SKAP2: variants seen among roughly 807,000 people sequenced by gnomAD.
SKAP2 encodes src kinase associated phosphoprotein 2.
A neutral mutation model predicts 54.9 loss-of-function variants in SKAP2; 28 were observed. That is an observed-to-expected ratio of 0.51 (90% CI 0.38 to 0.70). The LOEUF (loss-of-function observed/expected upper bound fraction) is 0.70. SKAP2 is among the 30% of genes least tolerant of loss of function. The pLI is 0.00. For missense variants in SKAP2, 356 were observed against 424.1 expected (o/e 0.84, Z 1.41); for synonymous variants, 137 against 134.3 (o/e 1.02, Z -0.14).
intron 9 of SKAP2, among the ~76,000 whole-genome samples, chr7:26,703,771 T>C (rs949831703): frequency 4.6e-5 from 7 of 152,222 alleles, no homozygotes; most frequent in African/African-American, 1.4e-4. Flanking sequence ...AGGTACTATA[T>C]ACATAAATCT....
chr7:26,765,667 G>A (rs182584881), intron 4 of SKAP2, among the ~76,000 whole-genome samples: 8 of 152,098 alleles, frequency 5.3e-5, no homozygotes, highest in East Asian at 3.9e-4. Context: ...GAAGGGGTCC[G>A]GTTTCAGTTT....
intron 4 of SKAP2, among the ~76,000 whole-genome samples, chr7:26,793,728 T>G (rs1284795988): frequency 6.6e-6 from 1 of 152,180 alleles, no homozygotes; most frequent in Non-Finnish European, 1.5e-5. Context: ...AAATAATCTC[T>G]GAAACCACTT....
chr7:26,835,114 A>C (rs1017088312), intron 4 of SKAP2, among the ~76,000 whole-genome samples: 2 of 152,214 alleles, frequency 1.3e-5, no homozygotes, highest in Non-Finnish European at 2.9e-5. Context: ...ATCTCAAAAG[A>C]TGCAGAAAAG....
chr7:26,847,502 A>C (rs1033859597), intron 3 of SKAP2, among the ~76,000 whole-genome samples: 1 of 149,172 alleles, frequency 6.7e-6, no homozygotes, highest in African/African-American at 2.4e-5. Context: ...CGATAAATTA[A>C]AAAAAAAAAA....
At chr7:26,678,439 G>GTT (rs1786405223) in intron 11 of SKAP2, among the ~76,000 whole-genome samples, 1 of 143,968 alleles carries the variant, frequency 6.9e-6, no homozygotes, top group African/African-American at 2.7e-5. Flanking sequence ...TTAACTGGTT[G>GTT]TTCTTTTTTT....
chr7:26,784,610 T>C (rs969699122), intron 4 of SKAP2, among the ~76,000 whole-genome samples: 2 of 152,196 alleles, frequency 1.3e-5, no homozygotes, highest in Admixed American at 6.5e-5. Context: ...TAAACAAAAC[T>C]GGATATAAAT....
chr7:26,734,803 TAAAGC>T (rs1472974512), intron 6 of SKAP2, among the ~76,000 whole-genome samples: 1 of 152,122 alleles, frequency 6.6e-6, no homozygotes, highest in African/African-American at 2.4e-5. Context: ...TTCTTGAGGG[TAAAGC>T]CCTCATGCCT....
intron 9 of SKAP2, among the ~76,000 whole-genome samples, chr7:26,691,238 A>G (rs551119364): frequency 6.6e-6 from 1 of 152,308 alleles, no homozygotes; most frequent in East Asian, 1.9e-4. Flanking sequence ...TATGCAAAGA[A>G]ATAAGATAAA....
intron 4 of SKAP2, among the ~76,000 whole-genome samples, chr7:26,796,601 G>A (rs754601199): frequency 1.3e-5 from 2 of 152,212 alleles, no homozygotes; most frequent in African/African-American, 4.8e-5. Context: ...TGCAGCTGTG[G>A]CTGCCTGCCA....
chr7:26,840,140 C>A (rs1784791337), intron 4 of SKAP2, among the ~76,000 whole-genome samples: 1 of 151,946 alleles, frequency 6.6e-6, no homozygotes, highest in Admixed American at 6.6e-5. Flanking sequence ...CTAGGTTATT[C>A]AGAAATTTTT....
chr7:26,750,703 T>C (rs1226902879), intron 4 of SKAP2, among the ~76,000 whole-genome samples: 2 of 152,194 alleles, frequency 1.3e-5, no homozygotes, highest in Non-Finnish European at 2.9e-5. Context: ...AATACTTCCA[T>C]TTTGGTTTAA....
At chr7:26,681,171 C>T (rs1562573256) in intron 11 of SKAP2, among the ~76,000 whole-genome samples, 2 of 152,268 alleles carry the variant, frequency 1.3e-5, no homozygotes, top group South Asian at 2.1e-4. Flanking sequence ...AAACACTTGC[C>T]GGGTGCAGTG....
chr7:26,657,113 C>T, the SKAP2 span, among the ~76,000 whole-genome samples: 1 of 152,226 alleles, frequency 6.6e-6, no homozygotes, highest in East Asian at 1.9e-4. Context: ...CTATAAATCT[C>T]ATCAACCAAT....
At chr7:26,823,515 C>T (rs1784427302) in intron 4 of SKAP2, among the ~76,000 whole-genome samples, 2 of 150,884 alleles carry the variant, frequency 1.3e-5, no homozygotes, top group African/African-American at 4.9e-5. Flanking sequence ...GAAGATTAAA[C>T]CAGCTACAAC....
intron 1 of SKAP2, among the ~76,000 whole-genome samples, chr7:26,862,085 T>C (rs1248055233): frequency 6.6e-6 from 1 of 151,910 alleles, no homozygotes; most frequent in Non-Finnish European, 1.5e-5. Flanking sequence ...GCCAGCAATA[T>C]CTCTAATATT....
chr7:26,724,936 T>C (rs1787667270), intron 9 of SKAP2, among the ~76,000 whole-genome samples: 1 of 152,086 alleles, frequency 6.6e-6, no homozygotes, highest in Non-Finnish European at 1.5e-5. Flanking sequence ...TCAAAAGGCC[T>C]TTGTTTATAG....
At chr7:26,842,449 G>A (rs1335052595) in intron 4 of SKAP2, among the ~76,000 whole-genome samples, 1 of 151,694 alleles carries the variant, frequency 6.6e-6, no homozygotes, top group African/African-American at 2.4e-5. Flanking sequence ...CAAGCTACTG[G>A]AAGATTTCTG....
At chr7:26,664,621 G>T (rs1786074261), downstream of SKAP2, among the ~76,000 whole-genome samples, 1 of 151,502 alleles carries the variant, frequency 6.6e-6, no homozygotes, top group African/African-American at 2.4e-5. Context: ...ACTCTAGCAG[G>T]AGTGATATTT....
At chr7:26,842,056 G>A (rs1784827481) in intron 4 of SKAP2, among the ~76,000 whole-genome samples, 1 of 151,892 alleles carries the variant, frequency 6.6e-6, no homozygotes, top group African/African-American at 2.4e-5. Context: ...GATACATTGA[G>A]ATGATATTTT....
Sources: gnomAD v4.1 joint callset for allele counts (sites outside exome capture counted in the v4.1 genomes callset) on GRCh38, gnomAD v4.1.1 for gene constraint, MANE v1.5 for transcripts, NCBI Gene and HGNC (gene_info 2026-07-23, HGNC 2026-07-21) for gene names.